NXPH1: variants seen among roughly 807,000 people sequenced by gnomAD.
NXPH1 encodes neurexophilin-1.
Under a neutral mutation model 23.7 loss-of-function variants are expected in NXPH1, and 5 were observed. That is an observed-to-expected ratio of 0.21 (90% CI 0.11 to 0.44). The LOEUF (loss-of-function observed/expected upper bound fraction) is 0.44, where lower values mean the gene tolerates loss of function less well. Ranked by LOEUF, NXPH1 falls within the 20% of genes least tolerant of loss-of-function variation. The pLI is 0.99. For missense variants in NXPH1, 324 were observed against 321.6 expected (o/e 1.01, Z -0.06); for synonymous variants, 144 against 122.2 (o/e 1.18, Z -1.18).
intron 2 of NXPH1, among the ~76,000 whole-genome samples, chr7:8,621,646 C>T (rs1423559555): frequency 6.6e-6 from 1 of 151,980 alleles, no homozygotes; most frequent in East Asian, 1.9e-4. Flanking sequence ...TGGCACCACG[C>T]CGGCTAATTT....
intron 2 of NXPH1, among the ~76,000 whole-genome samples, chr7:8,462,893 G>A (rs1294909580): frequency 6.6e-6 from 1 of 152,150 alleles, no homozygotes; most frequent in Non-Finnish European, 1.5e-5. Flanking sequence ...TTGCTGGATT[G>A]AGAGGCTTAT....
intron 2 of NXPH1, among the ~76,000 whole-genome samples, chr7:8,693,563 A>T (rs944012319): frequency 6.6e-6 from 1 of 152,232 alleles, no homozygotes; most frequent in African/African-American, 2.4e-5. Context: ...AGGCAGGACT[A>T]ATATCTATGT....
chr7:8,498,235 T>C (rs549696777), intron 2 of NXPH1, among the ~76,000 whole-genome samples: 3 of 152,210 alleles, frequency 2.0e-5, no homozygotes, highest in African/African-American at 7.2e-5. Context: ...ATCATTTAAC[T>C]TTCATTATCA....
intron 2 of NXPH1, among the ~76,000 whole-genome samples, chr7:8,624,870 G>C (rs996005000): frequency 6.6e-6 from 1 of 152,062 alleles, no homozygotes; most frequent in East Asian, 1.9e-4. Flanking sequence ...AGTGCAGTTT[G>C]GGGATAGGAA....
intron 2 of NXPH1, among the ~76,000 whole-genome samples, chr7:8,603,469 T>C: frequency 6.6e-6 from 1 of 152,286 alleles, no homozygotes; most frequent in Non-Finnish European, 1.5e-5. Flanking sequence ...ATCAATAATT[T>C]TGTCATCAGC....
chr7:8,441,107 C>G (rs552121119), intron 2 of NXPH1, among the ~76,000 whole-genome samples: 56 of 152,198 alleles, frequency 3.7e-4, no homozygotes, highest in Non-Finnish European at 7.2e-4. Context: ...AACCATTGTC[C>G]GTTAGGGGCT....
At chr7:8,732,084 G>T (rs1407548305) in intron 2 of NXPH1, among the ~76,000 whole-genome samples, 8 of 152,244 alleles carry the variant, frequency 5.3e-5, no homozygotes, top group African/African-American at 9.6e-5. Context: ...GCAATATTCG[G>T]GTGGGAGTGA....
intron 2 of NXPH1, among the ~76,000 whole-genome samples, chr7:8,730,398 T>G (rs200594607): frequency 0.2 from 29,324 of 148,386 alleles, 2,820 homozygotes; most frequent in African/African-American, 0.25. Context: ...GTTAGCTGGT[T>G]ATTTTGCTCG....
At chr7:8,695,132 C>T (rs1193303949) in intron 2 of NXPH1, among the ~76,000 whole-genome samples, 1 of 152,146 alleles carries the variant, frequency 6.6e-6, no homozygotes, top group Non-Finnish European at 1.5e-5. Flanking sequence ...TATATTAAAT[C>T]TGGAATTAGA....
intron 2 of NXPH1, among the ~76,000 whole-genome samples, chr7:8,708,695 AT>A (rs143158399): frequency 6.7e-5 from 10 of 149,772 alleles, no homozygotes; most frequent in South Asian, 2.1e-4. Context: ...ACCCCATACA[AT>A]TTTTTTTTTA....
intron 2 of NXPH1, among the ~76,000 whole-genome samples, chr7:8,609,719 T>C (rs1819575473): frequency 6.6e-6 from 1 of 152,170 alleles, no homozygotes; most frequent in African/African-American, 2.4e-5. Context: ...CAAAGAATGA[T>C]CTCAACATGA....
At chr7:8,489,752 C>A (rs1279574181) in intron 2 of NXPH1, among the ~76,000 whole-genome samples, 2 of 152,076 alleles carry the variant, frequency 1.3e-5, no homozygotes, top group African/African-American at 2.4e-5. Flanking sequence ...AAAGGACCTG[C>A]CTTAACATAC....
At chr7:8,559,926 A>G (rs1483906766) in intron 2 of NXPH1, among the ~76,000 whole-genome samples, 1 of 151,724 alleles carries the variant, frequency 6.6e-6, no homozygotes, top group Admixed American at 6.6e-5. Context: ...AACTAGGCTG[A>G]CATGAAAGAT....
chr7:8,483,387 G>A (rs1345454740), intron 2 of NXPH1, among the ~76,000 whole-genome samples: 4 of 152,044 alleles, frequency 2.6e-5, no homozygotes, highest in African/African-American at 9.7e-5. Context: ...CTGGAGTAGA[G>A]TGGTGTGATC....
At chr7:8,583,371 A>G (rs1236948538) in intron 2 of NXPH1, among the ~76,000 whole-genome samples, 2 of 152,240 alleles carry the variant, frequency 1.3e-5, no homozygotes, top group South Asian at 2.1e-4. Flanking sequence ...GGCAAGTTAC[A>G]TGGCCTCTCT....
At chr7:8,623,342 A>G (rs963352352) in intron 2 of NXPH1, among the ~76,000 whole-genome samples, 5 of 152,190 alleles carry the variant, frequency 3.3e-5, no homozygotes, top group African/African-American at 9.7e-5. Context: ...TGATTGGAAC[A>G]GGTCAGGTCC....
intron 2 of NXPH1, among the ~76,000 whole-genome samples, chr7:8,587,278 A>G (rs996749850): frequency 4.8e-5 from 7 of 146,022 alleles, no homozygotes; most frequent in African/African-American, 1.4e-4. Context: ...CATTTATTCA[A>G]GGGCAGATTT....
chr7:8,702,618 C>A (rs1779642309), intron 2 of NXPH1, among the ~76,000 whole-genome samples: 1 of 152,066 alleles, frequency 6.6e-6, no homozygotes, highest in Non-Finnish European at 1.5e-5. Flanking sequence ...TATTATTTTC[C>A]TGGCTCCATT....
chr7:8,507,275 T>A (rs1817543047), intron 2 of NXPH1, among the ~76,000 whole-genome samples: 1 of 151,676 alleles, frequency 6.6e-6, no homozygotes, highest in Admixed American at 6.6e-5. Context: ...CATTAGGGCA[T>A]GGAACACAAA....
Sources: gnomAD v4.1 joint callset for allele counts (sites outside exome capture counted in the v4.1 genomes callset) on GRCh38, gnomAD v4.1.1 for gene constraint, MANE v1.5 for transcripts, NCBI Gene and HGNC (gene_info 2026-07-23, HGNC 2026-07-21) for gene names.